SBF2: variants seen among roughly 807,000 people sequenced by gnomAD.
The protein encoded by SBF2 is myotubularin-related protein 13.
SBF2 carries 112 observed loss-of-function variants against 225.2 expected under a neutral mutation model. The ratio of observed to expected loss-of-function variants is 0.50; its 90% CI spans 0.43 to 0.58. The LOEUF is 0.58. Ranked by LOEUF, SBF2 falls within the 20% of genes least tolerant of loss-of-function variation. The probability of loss-of-function intolerance (pLI) is 0.00; values close to 1 mark genes in which losing one functional copy is unlikely to be tolerated. For missense variants in SBF2, 1,996 were observed against 2,206.2 expected, an observed-to-expected ratio of 0.90 and a Z score of 1.91; for synonymous variants, 763 against 773.3, an observed-to-expected ratio of 0.99 and a Z score of 0.22.
At chr11:10,072,362 A>G (rs968552289) in intron 2 of SBF2, among the ~76,000 whole-genome samples, 1 of 152,218 alleles carries the variant, frequency 6.6e-6, no homozygotes, top group Non-Finnish European at 1.5e-5. Context: ...AAGTGTTGAC[A>G]TTTCAAAATC....
chr11:10,111,353 C>T (rs964789247), intron 2 of SBF2, among the ~76,000 whole-genome samples: 2 of 152,044 alleles, frequency 1.3e-5, no homozygotes. Flanking sequence ...GAAATAAATG[C>T]GAAGTAGTCG....
At chr11:10,219,768 T>G (rs1958275086) in intron 1 of SBF2, among the ~76,000 whole-genome samples, 1 of 152,058 alleles carries the variant, frequency 6.6e-6, no homozygotes, top group South Asian at 2.1e-4. Context: ...ATAGCAAGAG[T>G]GACCTTTACT....
chr11:9,944,747 GGTTCAATGCTA>G (rs1456892174), intron 16 of SBF2, among the ~76,000 whole-genome samples: 2 of 152,104 alleles, frequency 1.3e-5, no homozygotes, highest in African/African-American at 4.8e-5. Context: ...GCAATTTACA[GGTTCAATGCTA>G]TTCCTATCAA....
intron 2 of SBF2, among the ~76,000 whole-genome samples, chr11:10,093,150 G>A (rs1017977080): frequency 1.7e-4 from 26 of 151,722 alleles, no homozygotes; most frequent in African/African-American, 5.8e-4. Flanking sequence ...CCAAGCAGCT[G>A]AGACTGCAGG....
At chr11:10,192,881 C>A (rs1438231486) in intron 2 of SBF2, among the ~76,000 whole-genome samples, 4 of 152,106 alleles carry the variant, frequency 2.6e-5, no homozygotes, top group South Asian at 2.1e-4. Flanking sequence ...ACACACACAC[C>A]CCCAGTAAAT....
At position 9,827,256 on chromosome 11, in the gene SBF2, G is replaced by A. The variant is rs142403994; in HGVS notation, c.3793+2100C>T. On this transcript the variant is annotated intron_variant, in intron 28 of 39. Coordinates refer to ENST00000256190, the MANE Select transcript of SBF2 (RefSeq NM_030962.4). ...ACAGTTGAGATATCTGGGGCCAGGT[G>A]CTTTCTCACGCCTGTAATCCCAGCA... Among the ~76,000 whole-genome samples, 504 of 152,294 alleles carry A rather than the reference G, an allele frequency of 3.3e-3. 3 individuals are homozygous for A. Among genetic ancestry groups the A allele is most frequent in the South Asian group, 5.2e-3 (25 of 4,826 alleles).
intron 3 of SBF2, among the ~76,000 whole-genome samples, chr11:10,039,480 C>T (rs1455746292): frequency 1.3e-5 from 2 of 151,614 alleles, no homozygotes; most frequent in African/African-American, 2.4e-5. Flanking sequence ...ATATAGAATC[C>T]GGAATTCTCA....
intron 2 of SBF2, among the ~76,000 whole-genome samples, chr11:10,052,726 T>C (rs1950105099): frequency 6.6e-6 from 1 of 152,138 alleles, no homozygotes; most frequent in African/African-American, 2.4e-5. Context: ...ATTTTATATA[T>C]AACCATATCT....
Position 9,988,702 on chromosome 11 carries a change from G to A in SBF2, c.1395+795C>T, listed in dbSNP as rs531447072. On this transcript the variant is annotated intron_variant, in intron 13 of 39. Coordinates refer to ENST00000256190, the MANE Select transcript of SBF2 (RefSeq NM_030962.4). ...GAAATGCAGATCAAAGCCACAGCGC[G>A]ATACCATCTTACTTCTGCAAGAATG... Among the ~76,000 whole-genome samples the A allele has an allele frequency of 1.2e-4, 19 of 152,222 alleles. No homozygotes were observed. In the South Asian group the frequency reaches 1.7e-3, roughly 13 times the overall value.
At chr11:9,851,532 A>G (rs1856953710) in intron 21 of SBF2, among the ~76,000 whole-genome samples, 1 of 152,148 alleles carries the variant, frequency 6.6e-6, no homozygotes, top group Admixed American at 6.5e-5. Flanking sequence ...ACCATATAAT[A>G]CATTCCTCTG....
intron 2 of SBF2, among the ~76,000 whole-genome samples, chr11:10,090,307 C>T (rs919823872): frequency 3.3e-5 from 5 of 151,986 alleles, no homozygotes; most frequent in African/African-American, 2.4e-5. Context: ...GAACCATACA[C>T]TTTAAAATGG....
At chr11:10,272,563 C>A (rs1256614957) in intron 1 of SBF2, among the ~76,000 whole-genome samples, 1 of 151,860 alleles carries the variant, frequency 6.6e-6, no homozygotes, top group Non-Finnish European at 1.5e-5. Flanking sequence ...TGCGAACTCA[C>A]CAGTTCAAGA....
chr11:9,805,584 T>C (rs1302701961), intron 32 of SBF2, among the ~76,000 whole-genome samples: 1 of 152,270 alleles, frequency 6.6e-6, no homozygotes, highest in South Asian at 2.1e-4. Context: ...TCTGAGCTTT[T>C]GGAAGATTAT....
chr11:10,075,493 TGGG>T (rs1285276313), intron 2 of SBF2, among the ~76,000 whole-genome samples: 3 of 152,186 alleles, frequency 2.0e-5, no homozygotes, highest in Non-Finnish European at 4.4e-5. Context: ...GTGTTGAAGG[TGGG>T]GCCTGGTGAA....
upstream of SBF2, among the ~76,000 whole-genome samples, chr11:10,297,260 A>T (rs538428265): frequency 6.7e-6 from 1 of 150,066 alleles, no homozygotes; most frequent in Admixed American, 6.7e-5. Flanking sequence ...TTGTATCATG[A>T]TGTTGCCCAG....
At chr11:10,291,280 T>G (rs1378638953) in intron 1 of SBF2, among the ~76,000 whole-genome samples, 1 of 152,108 alleles carries the variant, frequency 6.6e-6, no homozygotes, top group Non-Finnish European at 1.5e-5. Flanking sequence ...GTTCCCTTTT[T>G]AAAGAGACCC....
chr11:9,803,089 A>C (rs1268059168), intron 32 of SBF2, among the ~76,000 whole-genome samples: 1 of 152,214 alleles, frequency 6.6e-6, no homozygotes, highest in Non-Finnish European at 1.5e-5. Context: ...TAGATCCTGA[A>C]CAATATTACT....
chr11:9,959,685 A>G, intron 16 of SBF2: 3 of 727,484 alleles, frequency 4.1e-6, no homozygotes, highest in Middle Eastern at 2.5e-4. Context: ...CTTGAGTACC[A>G]TCGATTCAGA....
intron 32 of SBF2, among the ~76,000 whole-genome samples, chr11:9,802,679 G>A (rs772273469): frequency 4.6e-5 from 7 of 152,162 alleles, no homozygotes; most frequent in Non-Finnish European, 8.8e-5. Context: ...AAGCACTAGT[G>A]TTCACTTGAA....
Sources: gnomAD v4.1 joint callset for allele counts (sites outside exome capture counted in the v4.1 genomes callset) on GRCh38, gnomAD v4.1.1 for gene constraint, MANE v1.5 for transcripts, NCBI Gene and HGNC (gene_info 2026-07-23, HGNC 2026-07-21) for gene names.